Variants in USH2A observed in about 807,000 individuals in gnomAD.
The protein encoded by USH2A is usherin, also known as Usher syndrome 2A (autosomal recessive, mild).
USH2A carries 443 observed loss-of-function variants against 538.9 expected under a neutral mutation model. The ratio of observed to expected loss-of-function variants is 0.82; its 90% CI spans 0.76 to 0.89. USH2A has a LOEUF of 0.89. Ranked by LOEUF, USH2A falls within the 40% of genes least tolerant of loss-of-function variation. USH2A has a pLI of 0.00. For synonymous variants in USH2A, 2,413 were observed against 2,273.5 expected, an observed-to-expected ratio of 1.06 and a Z score of -1.75; for missense variants, 6,633 against 6,324.8, an observed-to-expected ratio of 1.05 and a Z score of -1.65.
chr1:215,745,781 G>A (rs764752885), intron 58 of USH2A, among the ~76,000 whole-genome samples: 1 of 152,152 alleles, frequency 6.6e-6, no homozygotes, highest in Non-Finnish European at 1.5e-5. Flanking sequence ...CTTGATAATG[G>A]AGTCTTAGAG....
intron 10 of USH2A, among the ~76,000 whole-genome samples, chr1:216,291,075 G>T (rs934108655): frequency 1.3e-5 from 2 of 151,982 alleles, no homozygotes; most frequent in Admixed American, 1.3e-4. Flanking sequence ...TTATAACCAG[G>T]TGTATCTTTT....
At chr1:216,199,503 T>A in intron 17 of USH2A, 124 bp downstream of exon 17, 1 of 1,400,366 alleles carries the variant, frequency 7.1e-7, no homozygotes, top group South Asian at 1.2e-5. Context: ...AGAAACTGTT[T>A]CTCAATTATT....
intron 14 of USH2A, among the ~76,000 whole-genome samples, chr1:216,222,590 G>A (rs1466847639): frequency 2.0e-5 from 3 of 152,192 alleles, no homozygotes; most frequent in Admixed American, 2.0e-4. Flanking sequence ...GAAGGCAGGA[G>A]GGTAAGAGTC....
intron 3 of USH2A, among the ~76,000 whole-genome samples, chr1:216,394,203 C>T (rs191568015): frequency 6.6e-6 from 1 of 152,176 alleles, no homozygotes; most frequent in African/African-American, 2.4e-5. Flanking sequence ...TGCAAAACAA[C>T]TGTAATCTGA....
At chr1:216,292,025 A>G (rs1042630989) in intron 10 of USH2A, 150 bp downstream of exon 10, 4 of 843,814 alleles carry the variant, frequency 4.7e-6, no homozygotes, top group Admixed American at 4.6e-5. Flanking sequence ...GGAAATAGGA[A>G]GATTTGGTGA....
chr1:216,103,009 G>C (rs1362148250), intron 21 of USH2A, among the ~76,000 whole-genome samples: 1 of 152,136 alleles, frequency 6.6e-6, no homozygotes, highest in African/African-American at 2.4e-5. Context: ...ATAGCAATGA[G>C]AATGAACAAC....
chr1:215,699,363 A>G (rs1266373364), intron 61 of USH2A, among the ~76,000 whole-genome samples: 1 of 152,148 alleles, frequency 6.6e-6, no homozygotes, highest in Non-Finnish European at 1.5e-5. Flanking sequence ...AAGAAAGTCA[A>G]TGGTAGCTTG....
At chr1:216,098,029 C>T (rs539061756) in intron 21 of USH2A, among the ~76,000 whole-genome samples, 1 of 149,044 alleles carries the variant, frequency 6.7e-6, no homozygotes, top group South Asian at 2.1e-4. Context: ...TTACATGGCC[C>T]CATCTCCAGT....
chr1:216,205,296 A>T (rs1258750092), intron 16 of USH2A, among the ~76,000 whole-genome samples: 1 of 152,226 alleles, frequency 6.6e-6, no homozygotes, highest in African/African-American at 2.4e-5. Context: ...CACCTGGATC[A>T]TGCTGATATT....
At chr1:216,095,255 A>T (rs12759921) in intron 22 of USH2A, among the ~76,000 whole-genome samples, 96,944 of 151,926 alleles carry the variant, frequency 0.64, 31,940 homozygotes, top group African/African-American at 0.74. Context: ...GTAGTATCTA[A>T]CTTTCTTGTT....
chr1:215,917,950 G>C (rs978733394), intron 38 of USH2A, among the ~76,000 whole-genome samples: 9 of 151,932 alleles, frequency 5.9e-5, no homozygotes, highest in African/African-American at 1.9e-4. Flanking sequence ...GTGTCAAAGT[G>C]AGAGCCTTTC....
intron 64 of USH2A, among the ~76,000 whole-genome samples, chr1:215,653,813 G>A (rs1019844664): frequency 6.6e-6 from 1 of 152,158 alleles, no homozygotes; most frequent in Non-Finnish European, 1.5e-5. Flanking sequence ...AACAGGTTAT[G>A]CTTATGATTC....
intron 30 of USH2A, among the ~76,000 whole-genome samples, chr1:216,056,803 T>A (rs7530728): frequency 0.046 from 7,026 of 151,166 alleles, 229 homozygotes; most frequent in African/African-American, 0.082. Context: ...TGTGTGTGTG[T>A]GAGAGAGAGA....
At chr1:215,888,396 G>C (rs1313502440) in intron 41 of USH2A, 30 bp downstream of exon 41, 2 of 1,611,128 alleles carry the variant, frequency 1.2e-6, no homozygotes, top group Non-Finnish European at 1.7e-6. Context: ...TCCTAAGTCT[G>C]CAAAGGAGAG....
At position 215,878,921 on chromosome 1, in the gene USH2A, C is replaced by T; in HGVS notation, c.8401G>A (p.Gly2801Arg). The T allele has an allele frequency of 2.5e-6, 4 of 1,613,992 alleles. No individual in the cohort carries two copies. The highest frequency in any genetic ancestry group is 2.5e-6 in the Non-Finnish European group (3 of 1,179,984). ...VTIVACSGGN[G>R]YLGGCTESLP... ...CTCTCTGTGCACCCTCCAAGGTACCCATTACCCCCTGAGCAAGCAACAATG... is the reference window on the plus strand; with the variant it reads ...CTCTCTGTGCACCCTCCAAGGTACCTATTACCCCCTGAGCAAGCAACAATG... The change falls in exon 42 of 72, where the codon GGG becomes AGG. Residue 2801 changes from glycine to arginine, a missense_variant. Coordinates refer to ENST00000307340, the MANE Select transcript of USH2A (RefSeq NM_206933.4).
At chr1:216,397,250 T>C (rs541809076) in intron 3 of USH2A, among the ~76,000 whole-genome samples, 1 of 152,362 alleles carries the variant, frequency 6.6e-6, no homozygotes, top group African/African-American at 2.4e-5. Context: ...CAAATGCTCG[T>C]GTATAGGTTT....
intron 61 of USH2A, among the ~76,000 whole-genome samples, chr1:215,689,455 G>T (rs1487031896): frequency 6.6e-6 from 1 of 152,164 alleles, no homozygotes; most frequent in African/African-American, 2.4e-5. Flanking sequence ...ACACCTTAAG[G>T]TGACCCCTGC....
At chr1:216,153,459 G>C (rs2033879232) in intron 21 of USH2A, among the ~76,000 whole-genome samples, 1 of 152,092 alleles carries the variant, frequency 6.6e-6, no homozygotes, top group African/African-American at 2.4e-5. Flanking sequence ...CCTGCAACAG[G>C]GTGTCAGGGA....
At chr1:216,075,857 TAA>T (rs57104827) in intron 27 of USH2A, among the ~76,000 whole-genome samples, 1 of 149,114 alleles carries the variant, frequency 6.7e-6, no homozygotes, top group Non-Finnish European at 1.5e-5. Context: ...GTTAGTAGAT[TAA>T]AAAAAAAATA....
Sources: allele counts gnomAD v4.1 joint callset (sites outside exome capture counted in the v4.1 genomes callset), GRCh38; gene constraint gnomAD v4.1.1; transcripts MANE v1.5; gene names NCBI Gene and HGNC (gene_info 2026-07-23, HGNC 2026-07-21).